FBRSL1: variants seen among roughly 807,000 people sequenced by gnomAD.
FBRSL1 encodes the protein fibrosin like 1, also known as fibrosin-1-like protein.
FBRSL1 carries 51 observed loss-of-function variants against 89.6 expected under a neutral mutation model. The ratio of observed to expected loss-of-function variants is 0.57; its 90% CI spans 0.45 to 0.72. FBRSL1 has a LOEUF of 0.72. FBRSL1 is among the 30% of genes least tolerant of loss of function. The probability of loss-of-function intolerance (pLI) is 0.00; values close to 1 mark genes in which losing one functional copy is unlikely to be tolerated. For synonymous variants in FBRSL1, 779 were observed against 681.1 expected (o/e 1.14, Z -2.24); for missense variants, 1,618 against 1,451.8 (o/e 1.11, Z -1.86).
intron 5 of FBRSL1, among the ~76,000 whole-genome samples, chr12:132,566,696 C>T (rs1232786958): frequency 6.6e-6 from 1 of 152,260 alleles, no homozygotes; most frequent in African/African-American, 2.4e-5. Flanking sequence ...ACACTGGGCA[C>T]CAGGCCTAGA....
chr12:132,560,823 C>T (rs2039062692), intron 5 of FBRSL1, among the ~76,000 whole-genome samples: 1 of 152,250 alleles, frequency 6.6e-6, no homozygotes, highest in South Asian at 2.1e-4. Context: ...CTACCCCACG[C>T]GGGCTAGGAG....
At chr12:132,567,837 G>T (rs943014687) in intron 6 of FBRSL1, among the ~76,000 whole-genome samples, 6 of 152,186 alleles carry the variant, frequency 3.9e-5, no homozygotes, top group African/African-American at 1.4e-4. Flanking sequence ...GTACTGAAGG[G>T]CCACCTGCCA....
At chr12:132,496,998 G>C (rs1252704814) in intron 1 of FBRSL1, among the ~76,000 whole-genome samples, 4 of 152,270 alleles carry the variant, frequency 2.6e-5, no homozygotes, top group Non-Finnish European at 5.9e-5. Flanking sequence ...CGTGGCCCTG[G>C]CGGGCCGTGT....
chr12:132,557,330 C>T (rs558816891), intron 5 of FBRSL1, among the ~76,000 whole-genome samples: 1 of 152,354 alleles, frequency 6.6e-6, no homozygotes, highest in South Asian at 2.1e-4. Context: ...GAATGCCTTT[C>T]TTCCCCCGGA....
chr12:132,531,132 C>T (rs1183632297), intron 4 of FBRSL1, among the ~76,000 whole-genome samples: 1 of 152,044 alleles, frequency 6.6e-6, no homozygotes. Context: ...GCCAGACCAC[C>T]CCAGGGGTGG....
Position 132,583,613 on chromosome 12 carries a change from C to T in FBRSL1, c.2844C>T (p.Pro948=). ...ATGGGCTCCTGGCGCGGACCCCGCC[C>T]GCCGCCGCCGCCCTCGGCGCACCGC... ...LHNGLLARTP[P]AAAALGAPPP... The change falls in exon 19 of 19, where the codon CCC becomes CCT. Residue 948 remains proline (P), a synonymous_variant. Coordinates refer to ENST00000680143, the MANE Select transcript of FBRSL1 (RefSeq NM_001367871.1). The T allele has an allele frequency of 1.0e-6, 1 of 988,226 alleles. No individual in the cohort carries two copies. Among genetic ancestry groups the T allele is most frequent in the Non-Finnish European group, 1.2e-6 (1 of 832,398 alleles). The allele number at this position is 988,226 out of a possible 1,614,324, so 61.2% of individuals were successfully genotyped here. A position where few individuals can be genotyped will look rare whatever the true frequency, so the allele number is the denominator to read the frequency against.
rs1032637052 is a variant in FBRSL1 at position 132,546,346 on chromosome 12, G to A, written c.616-1657G>A. 1.3e-5 allele frequency among the ~76,000 whole-genome samples: 2 copies of A among 152,258 alleles called. No homozygotes were observed. The highest frequency in any genetic ancestry group is 1.9e-4 in the East Asian group (1 of 5,186). On this transcript the variant is annotated intron_variant, in intron 4 of 18. Coordinates refer to ENST00000680143, the MANE Select transcript of FBRSL1 (RefSeq NM_001367871.1). This position sits in a 1 kb window ranked among gnomAD's most constrained non-coding sequence, Gnocchi z 4.0. ...GGTGAGCTCCGCACCTGCAGCCTCC[G>A]GGGCGGGATGGGCCCGGTTCTGACT...
At chr12:132,505,695 C>T (rs1479839364) in intron 1 of FBRSL1, among the ~76,000 whole-genome samples, 1 of 152,210 alleles carries the variant, frequency 6.6e-6, no homozygotes, top group Non-Finnish European at 1.5e-5. Flanking sequence ...TTGGTCGTGC[C>T]TCTCTCAGCA....
At chr12:132,509,863 G>A (rs1246007941) in intron 2 of FBRSL1, 20 of 1,231,532 alleles carry the variant, frequency 1.6e-5, no homozygotes, top group Admixed American at 8.5e-5. Flanking sequence ...CTCCGACCAC[G>A]CCGACGGCCC....
intron 5 of FBRSL1, among the ~76,000 whole-genome samples, chr12:132,560,616 G>A (rs895920630): frequency 2.0e-5 from 3 of 152,174 alleles, no homozygotes; most frequent in African/African-American, 4.8e-5. Flanking sequence ...GGCCCAGGCT[G>A]CGCCGCGTGT....
Position 132,525,885 on chromosome 12 carries a change from C to A in FBRSL1, c.579+62C>A, listed in dbSNP as rs1025798697. 5 of 1,333,716 alleles carry A rather than the reference C, an allele frequency of 3.7e-6. No homozygotes were observed. The South Asian group carries it at 5.2e-5, about 14-fold the overall frequency. The allele number at this position is 1,333,716 out of a possible 1,614,324, so 82.6% of individuals were successfully genotyped here. A position where few individuals can be genotyped will look rare whatever the true frequency, so the allele number is the denominator to read the frequency against. ...TCTGGGCCGCCTGCCCGCTGCGCCC[C>A]GCACAAGGGCGTCCAGTCCGAGTCT... is the stretch of plus-strand genomic sequence containing the variant. On this transcript the variant is annotated intron_variant, in intron 3 of 18. Coordinates refer to ENST00000680143, the MANE Select transcript of FBRSL1 (RefSeq NM_001367871.1).
intron 4 of FBRSL1, among the ~76,000 whole-genome samples, chr12:132,532,710 G>A (rs1030246141): frequency 6.1e-4 from 90 of 146,458 alleles, no homozygotes; most frequent in African/African-American, 2.0e-3. Context: ...GGTGTTAAGC[G>A]CAGTGCAGGA....
chr12:132,525,856 C>T lies in FBRSL1; in HGVS notation c.579+33C>T, dbSNP rs936736876. 2.2e-5 allele frequency: 33 copies of T among 1,508,968 alleles called. No individual in the cohort carries two copies. The Middle Eastern group carries it at 7.6e-4, about 35-fold the overall frequency. The allele number at this position is 1,508,968 out of a possible 1,614,324, so 93.5% of individuals were successfully genotyped here. A position where few individuals can be genotyped will look rare whatever the true frequency, so the allele number is the denominator to read the frequency against. On this transcript the variant is annotated intron_variant, in intron 3 of 18. Coordinates refer to ENST00000680143, the MANE Select transcript of FBRSL1 (RefSeq NM_001367871.1). The stretch of plus-strand genomic sequence containing the variant: ...CCCAGCTGCCCGCGCCCGGAGGCTC[C>T]GAGTCTGGGCCGCCTGCCCGCTGCG...
chr12:132,561,090 C>T (rs1314561467), intron 5 of FBRSL1, among the ~76,000 whole-genome samples: 2 of 152,172 alleles, frequency 1.3e-5, no homozygotes, highest in Non-Finnish European at 2.9e-5. Flanking sequence ...TGCTCTCAGC[C>T]CTCCCGGATG....
intron 4 of FBRSL1, among the ~76,000 whole-genome samples, chr12:132,540,611 G>A (rs1014639927): frequency 1.4e-4 from 21 of 151,900 alleles, no homozygotes; most frequent in African/African-American, 4.6e-4. Flanking sequence ...CCCCTGACCC[G>A]CCCACCACAC....
In FBRSL1 at chr12:132,583,022, C is replaced by A; in HGVS notation, c.2253C>A (p.Pro751=). 6.9e-7 allele frequency: 1 copy of A among 1,457,602 alleles called. No homozygotes were observed. The highest frequency in any genetic ancestry group is 9.0e-7 in the Non-Finnish European group (1 of 1,112,594). 90.3% of individuals were successfully genotyped at this position (1,457,602 alleles called of 1,614,324 possible). A position where few individuals can be genotyped will look rare whatever the true frequency, so the allele number is the denominator to read the frequency against. ...RLLSRASPAT[P]AGHPVSGLLL... is the part of the protein sequence containing the mutation. ...TGAGCCGGGCCTCGCCCGCCACCCC[C>A]GCTGGCCACCCCGTCAGCGGCCTCC... Residue 751 remains proline (P), a synonymous_variant, in exon 19 of 19, where the codon CCC becomes CCA. Transcript: ENST00000680143.
intron 12 of FBRSL1, 73 bp downstream of exon 12, chr12:132,574,231 G>T: frequency 6.9e-7 from 1 of 1,444,586 alleles, no homozygotes; most frequent in Non-Finnish European, 9.1e-7. Context: ...CGGGCTGGTG[G>T]CCACAGCAGA....
intron 4 of FBRSL1, among the ~76,000 whole-genome samples, chr12:132,547,039 G>A (rs1027031326): frequency 4.6e-5 from 7 of 152,188 alleles, no homozygotes; most frequent in African/African-American, 1.4e-4. Context: ...TCATTCATTC[G>A]ACGTGAATGC....
chr12:132,511,692 T>C, intron 2 of FBRSL1: 2 of 985,388 alleles, frequency 2.0e-6, no homozygotes, highest in Non-Finnish European at 2.4e-6. Context: ...AGGAAGGGGA[T>C]GGGTGTCCCT....
Sources: allele counts gnomAD v4.1 joint callset (sites outside exome capture counted in the v4.1 genomes callset), GRCh38; gene constraint gnomAD v4.1.1; non-coding constraint Gnocchi (gnomAD v3.1); transcripts MANE v1.5; gene names NCBI Gene and HGNC (gene_info 2026-07-23, HGNC 2026-07-21).